The following SNTG1 variants were observed in gnomAD, a reference collection of about 807,000 sequenced individuals.
SNTG1 encodes syntrophin gamma 1.
In SNTG1, 39 loss-of-function variants were observed where a neutral mutation model predicts 74.7. The observed-to-expected ratio is 0.52, with a 90% CI of 0.40 to 0.68. The LOEUF is 0.68. Ranked by LOEUF, SNTG1 falls within the 30% of genes least tolerant of loss-of-function variation. SNTG1 has a pLI of 0.00. For synonymous variants in SNTG1, 254 were observed against 217.1 expected, an observed-to-expected ratio of 1.17 and a Z score of -1.49; for missense variants, 685 against 609.5, an observed-to-expected ratio of 1.12 and a Z score of -1.30.
intron 2 of SNTG1, among the ~76,000 whole-genome samples, chr8:50,382,678 A>T (rs1057394362): frequency 1.3e-5 from 2 of 152,220 alleles, no homozygotes; most frequent in African/African-American, 4.8e-5. Context: ...CTTTTAGTCA[A>T]TTATTATCAC....
intron 1 of SNTG1, among the ~76,000 whole-genome samples, chr8:49,976,425 G>C (rs16914128): frequency 0.049 from 7,448 of 152,062 alleles, 604 homozygotes; most frequent in African/African-American, 0.17. Flanking sequence ...CAGGTTGTGG[G>C]GCTGAATAAG....
chr8:50,572,497 A>G (rs568297299), intron 12 of SNTG1, among the ~76,000 whole-genome samples: 7 of 152,182 alleles, frequency 4.6e-5, no homozygotes, highest in Non-Finnish European at 8.8e-5. Flanking sequence ...AGTTTAAGAA[A>G]GCTCACTCAG....
chr8:50,772,161 C>T (rs1471168782), intron 18 of SNTG1, among the ~76,000 whole-genome samples: 2 of 152,064 alleles, frequency 1.3e-5, no homozygotes, highest in Non-Finnish European at 1.5e-5. Flanking sequence ...CCACCAACAC[C>T]ATGTAATGCC....
chr8:50,686,957 A>G (rs2095354825), intron 15 of SNTG1, among the ~76,000 whole-genome samples: 1 of 151,276 alleles, frequency 6.6e-6, no homozygotes, highest in Admixed American at 6.6e-5. Flanking sequence ...AACAAGGTGA[A>G]ACCCCGTCTC....
At chr8:50,296,819 C>T (rs574522743) in intron 2 of SNTG1, among the ~76,000 whole-genome samples, 6 of 150,898 alleles carry the variant, frequency 4.0e-5, no homozygotes, top group East Asian at 1.9e-4. Context: ...AAAAGCAAAA[C>T]GAAAACAAAA....
At chr8:50,470,073 C>A (rs75025603) in intron 8 of SNTG1, among the ~76,000 whole-genome samples, 6,817 of 152,290 alleles carry the variant, frequency 0.045, 221 homozygotes, top group South Asian at 0.1. Flanking sequence ...CAGCGCCACA[C>A]AAACATTCTT....
intron 2 of SNTG1, among the ~76,000 whole-genome samples, chr8:50,368,363 A>G (rs1488102107): frequency 6.6e-6 from 1 of 152,174 alleles, no homozygotes; most frequent in Admixed American, 6.5e-5. Context: ...AAGGCAATAC[A>G]ATAGGAAAAA....
chr8:50,748,238 C>G (rs1232051150), intron 17 of SNTG1, among the ~76,000 whole-genome samples: 1 of 151,932 alleles, frequency 6.6e-6, no homozygotes, highest in Non-Finnish European at 1.5e-5. Flanking sequence ...TTTTCTCACT[C>G]CATTTACCCT....
chr8:49,918,660 G>A (rs1049039464), intron 1 of SNTG1, among the ~76,000 whole-genome samples: 1 of 151,958 alleles, frequency 6.6e-6, no homozygotes, highest in Non-Finnish European at 1.5e-5. Flanking sequence ...CCACACAACC[G>A]CACAAACACA....
chr8:50,191,949 G>A (rs1406009849), intron 2 of SNTG1, among the ~76,000 whole-genome samples: 1 of 151,976 alleles, frequency 6.6e-6, no homozygotes, highest in Non-Finnish European at 1.5e-5. Flanking sequence ...AAAATAGCTG[G>A]GGCCTAATTA....
At chr8:50,082,531 C>T (rs1822503688) in intron 1 of SNTG1, among the ~76,000 whole-genome samples, 1 of 152,102 alleles carries the variant, frequency 6.6e-6, no homozygotes, top group African/African-American at 2.4e-5. Context: ...TTAAGTCTGG[C>T]TTCCTACGTA....
intron 9 of SNTG1, among the ~76,000 whole-genome samples, chr8:50,509,756 A>G (rs1364058917): frequency 1.3e-5 from 2 of 152,052 alleles, no homozygotes; most frequent in Non-Finnish European, 2.9e-5. Flanking sequence ...TGAGTTTTGC[A>G]CATTGATTTT....
intron 2 of SNTG1, among the ~76,000 whole-genome samples, chr8:50,228,744 A>T (rs2085467659): frequency 6.6e-6 from 1 of 151,872 alleles, no homozygotes; most frequent in Non-Finnish European, 1.5e-5. Flanking sequence ...GAGGGAATTC[A>T]TCACTAGAAA....
chr8:50,598,704 A>G lies in SNTG1; in HGVS notation c.849+7787A>G, dbSNP rs115582716. Among the ~76,000 whole-genome samples the G allele has an allele frequency of 5.1e-3, 780 of 152,156 alleles. 7 individuals carry two copies. The highest frequency in any genetic ancestry group is 0.018 in the African/African-American group (753 of 41,566). ...TTAATAATATTAATTATCCCAATCC[A>G]TGAACACAGACTACCTTTCTATTTG... On this transcript the variant is annotated intron_variant, in intron 13 of 18. Coordinates refer to ENST00000642720, the MANE Select transcript of SNTG1 (RefSeq NM_018967.5).
chr8:50,541,605 A>T (rs928891252), intron 11 of SNTG1, among the ~76,000 whole-genome samples: 4 of 152,144 alleles, frequency 2.6e-5, no homozygotes, highest in Non-Finnish European at 5.9e-5. Context: ...TGTAAAAATC[A>T]AGTTAGTATA....
intron 2 of SNTG1, among the ~76,000 whole-genome samples, chr8:50,178,045 T>C (rs907356711): frequency 2.6e-5 from 4 of 152,208 alleles, no homozygotes; most frequent in Non-Finnish European, 4.4e-5. Flanking sequence ...GGAGGTTTGA[T>C]AGCTGATTTT....
chr8:50,059,373 T>C (rs1192092920), intron 1 of SNTG1, among the ~76,000 whole-genome samples: 1 of 152,114 alleles, frequency 6.6e-6, no homozygotes, highest in African/African-American at 2.4e-5. Context: ...AACTCACTCG[T>C]TTGAAGCATA....
chr8:50,077,123 GCACAA>G (rs1821965875), intron 1 of SNTG1, among the ~76,000 whole-genome samples: 1 of 152,182 alleles, frequency 6.6e-6, no homozygotes, highest in South Asian at 2.1e-4. Flanking sequence ...GACTGCAAAT[GCACAA>G]CACAACATCC....
At chr8:50,032,882 G>T (rs753914319) in intron 1 of SNTG1, among the ~76,000 whole-genome samples, 1 of 152,010 alleles carries the variant, frequency 6.6e-6, no homozygotes, top group East Asian at 1.9e-4. Flanking sequence ...TTTTATCCTG[G>T]TTTCTAAACT....
Sources: allele counts gnomAD v4.1 joint callset (sites outside exome capture counted in the v4.1 genomes callset), GRCh38; gene constraint gnomAD v4.1.1; transcripts MANE v1.5; gene names NCBI Gene and HGNC (gene_info 2026-07-23, HGNC 2026-07-21).